The following GALNT17 variants were observed in gnomAD, a reference collection of about 807,000 sequenced individuals.
GALNT17 encodes polypeptide N-acetylgalactosaminyltransferase 17.
A neutral mutation model predicts 63.7 loss-of-function variants in GALNT17; 29 were observed. The observed-to-expected ratio is 0.46, with a 90% CI of 0.34 to 0.62. The LOEUF is 0.62. GALNT17 is among the 20% of genes least tolerant of loss of function. The pLI is 0.01. For missense variants in GALNT17, 603 were observed against 799.6 expected (o/e 0.75, Z 2.97); for synonymous variants, 305 against 318.3 (o/e 0.96, Z 0.45).
intron 1 of GALNT17, among the ~76,000 whole-genome samples, chr7:71,241,190 G>T (rs1191864784): frequency 6.6e-6 from 1 of 152,152 alleles, no homozygotes; most frequent in Non-Finnish European, 1.5e-5. Flanking sequence ...AATGCCCTTG[G>T]ATTACTTGAT....
At chr7:71,233,013 C>G (rs1484573195) in intron 1 of GALNT17, among the ~76,000 whole-genome samples, 3 of 152,172 alleles carry the variant, frequency 2.0e-5, no homozygotes, top group African/African-American at 7.2e-5. Context: ...CTCAACAACC[C>G]TGTGAAGTAG....
chr7:71,136,427 C>T (rs924042811), intron 1 of GALNT17, among the ~76,000 whole-genome samples: 2 of 152,100 alleles, frequency 1.3e-5, no homozygotes, highest in Admixed American at 6.5e-5. Flanking sequence ...AAATCTTTCC[C>T]GTGGACTCCT....
intron 9 of GALNT17, among the ~76,000 whole-genome samples, chr7:71,698,123 CAAAA>C (rs10708106): frequency 9.3e-6 from 1 of 107,752 alleles, no homozygotes; most frequent in Non-Finnish European, 1.9e-5. Flanking sequence ...GACTCTGTCT[CAAAA>C]AAAAAAAAAA....
At chr7:71,250,198 C>T (rs948198125) in intron 1 of GALNT17, among the ~76,000 whole-genome samples, 1 of 152,150 alleles carries the variant, frequency 6.6e-6, no homozygotes, top group African/African-American at 2.4e-5. Flanking sequence ...CTTGAGGTAA[C>T]AAATTAAGTA....
chr7:71,580,163 G>C (rs1789610534), intron 6 of GALNT17, among the ~76,000 whole-genome samples: 1 of 152,002 alleles, frequency 6.6e-6, no homozygotes, highest in Non-Finnish European at 1.5e-5. Context: ...GATATAGATA[G>C]ATGAGATATA....
intron 5 of GALNT17, among the ~76,000 whole-genome samples, chr7:71,541,137 G>A (rs760916648): frequency 6.6e-6 from 1 of 151,916 alleles, no homozygotes; most frequent in Non-Finnish European, 1.5e-5. Flanking sequence ...CCAACTACTC[G>A]GTAGGCTAAG....
At chr7:71,309,803 T>A (rs985610831) in intron 1 of GALNT17, among the ~76,000 whole-genome samples, 1 of 152,146 alleles carries the variant, frequency 6.6e-6, no homozygotes, top group African/African-American at 2.4e-5. Context: ...ATGTTTAGAA[T>A]ACTTATTTCT....
chr7:71,669,545 T>A (rs1164288049), intron 7 of GALNT17, among the ~76,000 whole-genome samples: 9 of 146,204 alleles, frequency 6.2e-5, no homozygotes, highest in Non-Finnish European at 1.3e-4. Context: ...TGAATAAGCA[T>A]ACGAGGCTTA....
intron 5 of GALNT17, among the ~76,000 whole-genome samples, chr7:71,553,286 C>T (rs1010019240): frequency 2.0e-5 from 3 of 151,866 alleles, no homozygotes; most frequent in Non-Finnish European, 4.4e-5. Flanking sequence ...ATGTTCGCAC[C>T]ACCTCCCTCC....
At chr7:71,443,480 G>T (rs1787104695) in intron 5 of GALNT17, among the ~76,000 whole-genome samples, 1 of 152,132 alleles carries the variant, frequency 6.6e-6, no homozygotes, top group Non-Finnish European at 1.5e-5. Context: ...GGTAATAAGT[G>T]AGTTCTTGCT....
intron 9 of GALNT17, among the ~76,000 whole-genome samples, chr7:71,701,803 G>A (rs13311484): frequency 3.2e-3 from 99 of 30,590 alleles, no homozygotes; most frequent in African/African-American, 4.8e-3. Flanking sequence ...GTGTGTGTGT[G>A]TATATATATA....
At chr7:71,417,171 G>A (rs1786550958) in intron 4 of GALNT17, among the ~76,000 whole-genome samples, 1 of 152,106 alleles carries the variant, frequency 6.6e-6, no homozygotes, top group African/African-American at 2.4e-5. Flanking sequence ...AGTAAGTGTT[G>A]TTCACTGTAC....
rs10428974 is a variant in GALNT17, at chr7:71,443,670, C to A, written c.962+22565C>A. Among the ~76,000 whole-genome samples the A allele has an allele frequency of 6.2e-3, 946 of 152,150 alleles. 9 individuals are homozygous for A. Among genetic ancestry groups the A allele is most frequent in the African/African-American group, 0.022 (905 of 41,532 alleles). On this transcript the variant is annotated intron_variant, in intron 5 of 10. Transcript: ENST00000333538. ...GATGCCATGCTTCTTGTACAGCTTG[C>A]AAAACCATGAGCCAGATAAACCTCT...
intron 5 of GALNT17, among the ~76,000 whole-genome samples, chr7:71,505,190 C>T (rs1216595332): frequency 6.6e-6 from 1 of 152,200 alleles, no homozygotes. Context: ...CCTTCCTCCT[C>T]TTCTTCCTGC....
intron 6 of GALNT17, among the ~76,000 whole-genome samples, chr7:71,604,814 G>A (rs1373408113): frequency 6.6e-6 from 1 of 152,140 alleles, no homozygotes; most frequent in Non-Finnish European, 1.5e-5. Context: ...CAGGGTAAAT[G>A]TACCAAGTTC....
intron 5 of GALNT17, among the ~76,000 whole-genome samples, chr7:71,559,047 G>A (rs1250720727): frequency 6.6e-6 from 1 of 152,158 alleles, no homozygotes; most frequent in East Asian, 1.9e-4. Flanking sequence ...TATCTTTTCA[G>A]CAACAAAGGT....
chr7:71,290,319 AAG>A (rs1790956955), intron 1 of GALNT17, among the ~76,000 whole-genome samples: 1 of 152,164 alleles, frequency 6.6e-6, no homozygotes, highest in Non-Finnish European at 1.5e-5. Flanking sequence ...GCTTTATGAC[AAG>A]AGTCTTTGGA....
chr7:71,562,408 G>A (rs1483161248), intron 5 of GALNT17, among the ~76,000 whole-genome samples: 1 of 152,188 alleles, frequency 6.6e-6, no homozygotes, highest in African/African-American at 2.4e-5. Context: ...AATATATAAT[G>A]AAATAGTTCT....
chr7:71,606,358 A>G (rs1790048587), intron 6 of GALNT17, among the ~76,000 whole-genome samples: 1 of 152,232 alleles, frequency 6.6e-6, no homozygotes, highest in African/African-American at 2.4e-5. Flanking sequence ...TTTGGTGGTC[A>G]GCATGCTTAG....
Sources: gnomAD v4.1 joint callset for allele counts (sites outside exome capture counted in the v4.1 genomes callset) on GRCh38, gnomAD v4.1.1 for gene constraint, MANE v1.5 for transcripts, NCBI Gene and HGNC (gene_info 2026-07-23, HGNC 2026-07-21) for gene names.